CDKAL1: variants seen among roughly 807,000 people sequenced by gnomAD.
CDKAL1 encodes CDKAL1 threonylcarbamoyladenosine tRNA methylthiotransferase, also known as threonylcarbamoyladenosine tRNA methylthiotransferase.
CDKAL1 carries 32 observed loss-of-function variants against 68.2 expected under a neutral mutation model. The ratio of observed to expected loss-of-function variants is 0.47; its 90% CI spans 0.35 to 0.63. CDKAL1 has a LOEUF of 0.63. CDKAL1 is among the 30% of genes least tolerant of loss of function. CDKAL1 has a pLI of 0.00. For synonymous variants in CDKAL1, 234 were observed against 244.3 expected (o/e 0.96, Z 0.39); for missense variants, 606 against 696.7 (o/e 0.87, Z 1.47).
intron 9 of CDKAL1, among the ~76,000 whole-genome samples, chr6:20,936,497 G>A (rs542828503): frequency 9.3e-5 from 14 of 151,274 alleles, no homozygotes; most frequent in African/African-American, 2.4e-4. Context: ...TGATCCGCCC[G>A]CCTCGGCCTC....
intron 13 of CDKAL1, chr6:21,135,549 T>G (rs1231517879): frequency 4.3e-6 from 1 of 234,522 alleles, no homozygotes; most frequent in Non-Finnish European, 7.0e-6. Flanking sequence ...CCCTCTAGAG[T>G]TTACGGGAGA....
intron 4 of CDKAL1, among the ~76,000 whole-genome samples, chr6:20,577,093 T>G (rs529154375): frequency 1.3e-5 from 2 of 152,320 alleles, no homozygotes; most frequent in East Asian, 3.9e-4. Flanking sequence ...CTGTTCCACA[T>G]TTCCCTTCGT....
chr6:20,988,940 G>A (rs951507701), intron 10 of CDKAL1, among the ~76,000 whole-genome samples: 10 of 151,496 alleles, frequency 6.6e-5, no homozygotes, highest in Admixed American at 1.3e-4. Flanking sequence ...TTACAGGTAC[G>A]AGCCACCGTG....
At chr6:20,752,641 T>G (rs1773976010) in intron 6 of CDKAL1, among the ~76,000 whole-genome samples, 1 of 152,178 alleles carries the variant, frequency 6.6e-6, no homozygotes, top group Admixed American at 6.5e-5. Flanking sequence ...CTCATTCTTT[T>G]TATGTGTACA....
chr6:20,790,039 T>G (rs906843018), intron 8 of CDKAL1, among the ~76,000 whole-genome samples: 1 of 152,216 alleles, frequency 6.6e-6, no homozygotes. Flanking sequence ...CAAGCAATCC[T>G]CCTGCCTTGG....
intron 13 of CDKAL1, among the ~76,000 whole-genome samples, chr6:21,109,361 C>G (rs1455340396): frequency 6.6e-6 from 1 of 152,024 alleles, no homozygotes; most frequent in Non-Finnish European, 1.5e-5. Flanking sequence ...TTTTAACTAG[C>G]CAAAGTAAGT....
In CDKAL1 at chr6:21,167,561, G is replaced by A. The variant is rs146908718; in HGVS notation, c.1300-30460G>A. On this transcript the variant is annotated intron_variant, in intron 13 of 15. Transcript: ENST00000274695. ...ACTGTGGTCAAGAATACACACTCTC[G>A]TTCACATCAAATTGATGGCAAGTCC... Among the ~76,000 whole-genome samples the A allele has an allele frequency of 1.8e-3, 281 of 152,192 alleles. 1 individual carries two copies. Among genetic ancestry groups the A allele is most frequent in the Middle Eastern group, 6.8e-3 (2 of 292 alleles).
chr6:20,804,378 C>T (rs149127144), intron 8 of CDKAL1, among the ~76,000 whole-genome samples: 3 of 152,244 alleles, frequency 2.0e-5, no homozygotes, highest in Non-Finnish European at 2.9e-5. Flanking sequence ...TACAGGTGAT[C>T]GGTTAGTTCA....
intron 9 of CDKAL1, among the ~76,000 whole-genome samples, chr6:20,878,077 C>T (rs1760618443): frequency 6.6e-6 from 1 of 152,164 alleles, no homozygotes; most frequent in African/African-American, 2.4e-5. Context: ...GGAATTTCTT[C>T]CTTCTTGGCA....
chr6:20,908,691 CTT>C (rs1375023178), intron 9 of CDKAL1, among the ~76,000 whole-genome samples: 1 of 152,168 alleles, frequency 6.6e-6, no homozygotes, highest in African/African-American at 2.4e-5. Flanking sequence ...AATAAGTTGA[CTT>C]ATACAATAAA....
chr6:21,203,378 A>G (rs996821512), intron 15 of CDKAL1, among the ~76,000 whole-genome samples: 6 of 151,622 alleles, frequency 4.0e-5, no homozygotes, highest in African/African-American at 1.5e-4. Context: ...CTGGAATTAC[A>G]GGCATGTGCC....
At chr6:20,723,102 AGTGG>A (rs1772464396) in intron 5 of CDKAL1, among the ~76,000 whole-genome samples, 1 of 152,122 alleles carries the variant, frequency 6.6e-6, no homozygotes, top group African/African-American at 2.4e-5. Flanking sequence ...TGCCCTTTCC[AGTGG>A]AGGGCAGCTG....
At chr6:21,163,224 C>T (rs1776999833) in intron 13 of CDKAL1, among the ~76,000 whole-genome samples, 1 of 152,196 alleles carries the variant, frequency 6.6e-6, no homozygotes, top group Admixed American at 6.5e-5. Context: ...GAGATTACTG[C>T]AGATGTGGTG....
rs186029003 is a variant in CDKAL1 at position 20,583,972 on chromosome 6, G to A, written c.286+35267G>A. Among the ~76,000 whole-genome samples, 145 of 151,344 alleles carry A rather than the reference G, an allele frequency of 9.6e-4. 2 individuals are homozygous for A. In the East Asian group the frequency reaches 0.016, roughly 16 times the overall value. On this transcript the variant is annotated intron_variant, in intron 4 of 15. Transcript: ENST00000274695. The stretch of plus-strand genomic sequence containing the variant: ...AGTAAGTATAGGAAACAGACCAGAT[G>A]TAATTCAGATTACAGGATCTGGATT...
At chr6:20,991,950 T>G (rs1024403755) in intron 10 of CDKAL1, among the ~76,000 whole-genome samples, 4 of 150,678 alleles carry the variant, frequency 2.7e-5, no homozygotes, top group Non-Finnish European at 4.4e-5. Flanking sequence ...TCATTATCAT[T>G]AATAGTCACA....
intron 4 of CDKAL1, among the ~76,000 whole-genome samples, chr6:20,554,927 T>A (rs1260036733): frequency 1.3e-5 from 2 of 152,240 alleles, no homozygotes; most frequent in Non-Finnish European, 2.9e-5. Flanking sequence ...AATGGTGTTA[T>A]GTGTACGAAA....
intron 5 of CDKAL1, among the ~76,000 whole-genome samples, chr6:20,710,100 G>T (rs560989539): frequency 6.6e-6 from 1 of 152,114 alleles, no homozygotes; most frequent in Non-Finnish European, 1.5e-5. Flanking sequence ...AAACTTCCCT[G>T]AGTAATTAGG....
chr6:20,583,132 C>T (rs1382931206), intron 4 of CDKAL1, among the ~76,000 whole-genome samples: 5 of 152,232 alleles, frequency 3.3e-5, no homozygotes, highest in Admixed American at 6.5e-5. Context: ...CATCTCTTAG[C>T]GGGGAGTTGG....
chr6:20,558,660 T>G (rs1334322503), intron 4 of CDKAL1: 1 of 451,288 alleles, frequency 2.2e-6, no homozygotes, highest in Non-Finnish European at 4.5e-6. Context: ...TCACACCACA[T>G]TTCCATGTTG....
Sources: gnomAD v4.1 joint callset for allele counts (sites outside exome capture counted in the v4.1 genomes callset) on GRCh38, gnomAD v4.1.1 for gene constraint, MANE v1.5 for transcripts, NCBI Gene and HGNC (gene_info 2026-07-23, HGNC 2026-07-21) for gene names.